The following ADAMTS6 variants were observed in gnomAD, a reference collection of about 807,000 sequenced individuals.
ADAMTS6 encodes the protein A disintegrin and metalloproteinase with thrombospondin motifs 6.
A neutral mutation model predicts 144.3 loss-of-function variants in ADAMTS6; 23 were observed. That is an observed-to-expected ratio of 0.16 (90% confidence interval 0.11 to 0.23). ADAMTS6 has a LOEUF of 0.23. Ranked by LOEUF, ADAMTS6 falls within the 10% of genes least tolerant of loss-of-function variation. The probability of loss-of-function intolerance (pLI) is 1.00; values close to 1 mark genes in which losing one functional copy is unlikely to be tolerated. For missense variants in ADAMTS6, 999 were observed against 1,379.6 expected (o/e 0.72, Z 4.37); for synonymous variants, 444 against 457.5 (o/e 0.97, Z 0.38).
intron 7 of ADAMTS6, among the ~76,000 whole-genome samples, chr5:65,432,948 C>G (rs1352900638): frequency 3.9e-5 from 6 of 152,016 alleles, no homozygotes; most frequent in Admixed American, 3.3e-4. Context: ...TAATGAATTT[C>G]TACTGTCCAG....
chr5:65,268,981 T>C (rs560379997), intron 12 of ADAMTS6, among the ~76,000 whole-genome samples: 4 of 152,050 alleles, frequency 2.6e-5, no homozygotes, highest in African/African-American at 7.3e-5. Flanking sequence ...GGCTAGACAG[T>C]GTATAGGTTC....
chr5:65,213,542 G>A (rs1262401024), intron 20 of ADAMTS6, among the ~76,000 whole-genome samples: 1 of 151,824 alleles, frequency 6.6e-6, no homozygotes, highest in Non-Finnish European at 1.5e-5. Context: ...GGTTGAGGTG[G>A]GAGGATCACT....
At chr5:65,356,546 C>T (rs1749343403) in intron 7 of ADAMTS6, among the ~76,000 whole-genome samples, 1 of 151,834 alleles carries the variant, frequency 6.6e-6, no homozygotes, top group South Asian at 2.1e-4. Flanking sequence ...AGCAGCTGGC[C>T]AGCTCCAAAG....
At chr5:65,270,622 TTTTTAAGACTTA>T (rs1761978588) in intron 12 of ADAMTS6, among the ~76,000 whole-genome samples, 1 of 152,214 alleles carries the variant, frequency 6.6e-6, no homozygotes, top group Non-Finnish European at 1.5e-5. Flanking sequence ...TTATTCATTC[TTTTTAAGACTTA>T]TTAGTGTCAT....
chr5:65,428,529 CTTCAAGGAA>C (rs1328954061), intron 7 of ADAMTS6, among the ~76,000 whole-genome samples: 1 of 152,126 alleles, frequency 6.6e-6, no homozygotes, highest in East Asian at 1.9e-4. Flanking sequence ...ATTTAAAAGA[CTTCAAGGAA>C]AAACCAGGGG....
At chr5:65,240,286 A>G (rs770011280) in intron 15 of ADAMTS6, among the ~76,000 whole-genome samples, 39 of 152,214 alleles carry the variant, frequency 2.6e-4, no homozygotes, top group Middle Eastern at 3.4e-3. Flanking sequence ...AACCACTTCT[A>G]TATACAGCAA....
chr5:65,344,046 T>C (rs1748095798), intron 7 of ADAMTS6, among the ~76,000 whole-genome samples: 2 of 152,022 alleles, frequency 1.3e-5, no homozygotes, highest in Admixed American at 1.3e-4. Flanking sequence ...ACATCATAAT[T>C]TGAGTTTTAC....
chr5:65,292,841 T>TCTAA (rs538242380), intron 10 of ADAMTS6, among the ~76,000 whole-genome samples: 7 of 152,174 alleles, frequency 4.6e-5, no homozygotes, highest in African/African-American at 7.2e-5. Context: ...GCTCAAGGTA[T>TCTAA]CTAACTAACT....
chr5:65,310,613 T>C (rs1744400475), intron 9 of ADAMTS6, among the ~76,000 whole-genome samples: 1 of 152,228 alleles, frequency 6.6e-6, no homozygotes, highest in Admixed American at 6.5e-5. Context: ...ATTTAACCTA[T>C]TTTGCACACT....
intron 24 of ADAMTS6, among the ~76,000 whole-genome samples, chr5:65,157,737 A>G (rs537183240): frequency 6.6e-6 from 1 of 152,336 alleles, no homozygotes; most frequent in East Asian, 1.9e-4. Flanking sequence ...TGCGTGGCAC[A>G]GGAGTTGGGG....
In ADAMTS6 at chr5:65,248,930, T is replaced by C. The variant is rs115878792; in HGVS notation, c.1831-6724A>G. Among the ~76,000 whole-genome samples the C allele has an allele frequency of 5.6e-3, 849 of 152,236 alleles. 10 individuals carry two copies. Among genetic ancestry groups the C allele is most frequent in the African/African-American group, 0.019 (797 of 41,548 alleles). On this transcript the variant is annotated intron_variant, in intron 14 of 24. Transcript: ENST00000381055. ...ATAAATACAATATACCATAAATATA[T>C]ATACAATACATCATAAATATATAAA...
At chr5:65,455,135 T>A (rs1759081727) in intron 4 of ADAMTS6, among the ~76,000 whole-genome samples, 1 of 152,250 alleles carries the variant, frequency 6.6e-6, no homozygotes. Context: ...ATTTTCATTC[T>A]TTTGATCATT....
intron 9 of ADAMTS6, among the ~76,000 whole-genome samples, chr5:65,302,108 ATATAT>A (rs1314069135): frequency 2.2e-3 from 61 of 27,954 alleles, no homozygotes; most frequent in African/African-American, 0.012. Context: ...AAAAAAAAAA[ATATAT>A]ATATATATAT....
intron 9 of ADAMTS6, among the ~76,000 whole-genome samples, chr5:65,302,923 T>C (rs1246903266): frequency 2.0e-5 from 3 of 152,104 alleles, no homozygotes; most frequent in Non-Finnish European, 2.9e-5. Context: ...CTAAAAAAAA[T>C]CAAGCTTCTA....
intron 7 of ADAMTS6, among the ~76,000 whole-genome samples, chr5:65,386,475 A>G (rs1752484203): frequency 3.3e-5 from 5 of 152,234 alleles, no homozygotes. Context: ...AATGTTTAAC[A>G]CCGTTGATTT....
chr5:65,197,328 G>A (rs1327290689), intron 20 of ADAMTS6, among the ~76,000 whole-genome samples, 177 bp from the exon 21 acceptor site: 1 of 152,114 alleles, frequency 6.6e-6, no homozygotes, highest in Non-Finnish European at 1.5e-5. Flanking sequence ...TGAAATTTTA[G>A]GCAAAGTTAT....
chr5:65,457,779 G>A (rs368437502), intron 4 of ADAMTS6, among the ~76,000 whole-genome samples: 1 of 119,712 alleles, frequency 8.4e-6, no homozygotes, highest in South Asian at 2.6e-4. Context: ...AAGGAGTTTC[G>A]CTCTCGGTGT....
In ADAMTS6 at chr5:65,214,298, T is replaced by C. The variant is rs1206112056; in HGVS notation, c.2575+496A>G. 1.4e-5 allele frequency: 4 copies of C among 283,742 alleles called. No individual in the cohort carries two copies. In the East Asian group the frequency reaches 3.8e-4, roughly 27 times the overall value. The allele number at this position is 283,742 out of a possible 1,614,324, so 17.6% of individuals were successfully genotyped here. ...AGAACCCAGATACCAGTAATTATTG[T>C]AGCATCCCAGTATACAGCCCCTTAA... On this transcript the variant is annotated intron_variant, in intron 20 of 24. Transcript: ENST00000381055. The surrounding 1 kb of genome is among the most constrained non-coding windows in gnomAD (Gnocchi z 4.6).
At chr5:65,447,915 G>A (rs755079956) in intron 7 of ADAMTS6, among the ~76,000 whole-genome samples, 42 of 150,414 alleles carry the variant, frequency 2.8e-4, no homozygotes, top group Non-Finnish European at 4.4e-4. Context: ...CACTAACTTT[G>A]GTATTCAGAG....
Sources: gnomAD v4.1 joint callset for allele counts (sites outside exome capture counted in the v4.1 genomes callset) on GRCh38, gnomAD v4.1.1 for gene constraint, Gnocchi (gnomAD v3.1) non-coding constraint, MANE v1.5 for transcripts, NCBI Gene and HGNC (gene_info 2026-07-23, HGNC 2026-07-21) for gene names.